EDA: variants seen among roughly 807,000 people sequenced by gnomAD.
EDA encodes ectodysplasin-A.
EDA carries 2 observed loss-of-function variants against 23.6 expected under a neutral mutation model. The ratio of observed to expected loss-of-function variants is 0.08; its 90% CI spans 0.03 to 0.27. The LOEUF is 0.27. EDA is among the 10% of genes least tolerant of loss of function. EDA has a pLI of 1.00. For synonymous variants in EDA, 131 were observed against 132.0 expected (o/e 0.99, Z 0.05); for missense variants, 229 against 324.2 (o/e 0.71, Z 2.26).
At chrX:69,933,397 A>G (rs2018627732) in intron 1 of EDA, among the ~76,000 whole-genome samples, 2 of 111,847 alleles carry the variant, frequency 1.8e-5, no homozygotes, top group Non-Finnish European at 3.8e-5. Flanking sequence ...TTAAAGATGG[A>G]TAGGCCTGGC....
intron 1 of EDA, among the ~76,000 whole-genome samples, chrX:69,751,257 C>G (rs1196882619): frequency 1.1e-4 from 12 of 110,206 alleles, no homozygotes; most frequent in Non-Finnish European, 3.8e-5. Flanking sequence ...GCCAGTTTTC[C>G]CAGCACCATT....
intron 1 of EDA, among the ~76,000 whole-genome samples, chrX:69,761,703 G>A (rs1395931472): frequency 8.9e-6 from 1 of 111,820 alleles, no homozygotes; most frequent in Non-Finnish European, 1.9e-5. Flanking sequence ...GAATAGGACT[G>A]TTTGCCCCTA....
At chrX:69,822,735 T>C (rs751687970) in intron 1 of EDA, among the ~76,000 whole-genome samples, 12 of 110,459 alleles carry the variant, frequency 1.1e-4, no homozygotes, top group Non-Finnish European at 2.1e-4. Context: ...TTAGGGTACA[T>C]GTGCACAATG....
chrX:69,646,555 T>C (rs1427493074), intron 1 of EDA, among the ~76,000 whole-genome samples: 1 of 112,148 alleles, frequency 8.9e-6, no homozygotes, highest in East Asian at 2.8e-4. Context: ...CATCCCTTTA[T>C]TTTGAGCCTA....
intron 1 of EDA, among the ~76,000 whole-genome samples, chrX:69,706,139 T>G (rs1241107642): frequency 8.9e-6 from 1 of 112,015 alleles, no homozygotes; most frequent in Non-Finnish European, 1.9e-5. Context: ...TCAAAATAAC[T>G]AAAAATAGGC....
chrX:69,862,876 CTT>C (rs1272934758), intron 1 of EDA, among the ~76,000 whole-genome samples: 2 of 110,689 alleles, frequency 1.8e-5, no homozygotes, highest in African/African-American at 6.6e-5. Flanking sequence ...AGATTTGTAA[CTT>C]TTAAGCACTG....
intron 1 of EDA, among the ~76,000 whole-genome samples, chrX:69,806,323 G>A (rs190457665): frequency 1.8e-5 from 2 of 110,941 alleles, no homozygotes; most frequent in South Asian, 7.5e-4. Flanking sequence ...CTATGTTAGG[G>A]CATGCCTGTG....
chrX:69,979,153 C>T, intron 2 of EDA, among the ~76,000 whole-genome samples: 1 of 111,935 alleles, frequency 8.9e-6, no homozygotes, highest in South Asian at 3.7e-4. Context: ...TGGAATCATA[C>T]AATATTTGTC....
At chrX:69,889,376 C>G (rs2017888637) in intron 1 of EDA, among the ~76,000 whole-genome samples, 1 of 110,761 alleles carries the variant, frequency 9.0e-6, no homozygotes, top group Non-Finnish European at 1.9e-5. Context: ...TCTTGAACTC[C>G]TTGGCTTAAG....
intron 1 of EDA, among the ~76,000 whole-genome samples, 188 bp from the exon 2 acceptor site, chrX:69,956,831 AATGTCATG>A (rs2019015067): frequency 8.9e-6 from 1 of 112,050 alleles, no homozygotes; most frequent in Non-Finnish European, 1.9e-5. Flanking sequence ...AATTAACCAA[AATGTCATG>A]CCTACATGAT....
In EDA at chrX:69,617,158, C is replaced by A. The variant is rs1418209751; in HGVS notation, c.396+454C>A. 3 of 198,607 alleles carry A rather than the reference C, an allele frequency of 1.5e-5. No individual in the cohort carries two copies. The East Asian group carries it at 3.3e-4, about 22-fold the overall frequency. 16.4% of individuals were successfully genotyped at this position (198,607 alleles called of 1,213,427 possible). A position where few individuals can be genotyped will look rare whatever the true frequency, so the allele number is the denominator to read the frequency against. On this transcript the variant is annotated intron_variant, in intron 1 of 7. Transcript: ENST00000374552. The stretch of plus-strand genomic sequence containing the variant: ...ACAGCTGTAATAACTGTTCCACGCC[C>A]GCCCGTTGAAACAACTTTTAACCGC...
At chrX:69,974,471 C>A (rs893073034) in intron 2 of EDA, among the ~76,000 whole-genome samples, 1 of 110,856 alleles carries the variant, frequency 9.0e-6, no homozygotes, top group Non-Finnish European at 1.9e-5. Flanking sequence ...TAAACAAAAA[C>A]CGAGGAAACA....
At chrX:69,806,015 C>T (rs1026966139) in intron 1 of EDA, among the ~76,000 whole-genome samples, 4 of 111,467 alleles carry the variant, frequency 3.6e-5, no homozygotes, top group Non-Finnish European at 7.6e-5. Flanking sequence ...TCTGAATTTT[C>T]ACAAAAACCC....
At chrX:69,788,342 C>T (rs192293330) in intron 1 of EDA, among the ~76,000 whole-genome samples, 1,480 of 112,441 alleles carry the variant, frequency 0.013, 16 homozygotes, top group African/African-American at 0.043. Flanking sequence ...TGAGGAACTA[C>T]GTTCCTTTGG....
intron 1 of EDA, among the ~76,000 whole-genome samples, chrX:69,762,621 A>G (rs1219029985): frequency 8.9e-6 from 1 of 111,992 alleles, no homozygotes; most frequent in Non-Finnish European, 1.9e-5. Context: ...AAATAGAAGC[A>G]GTGTTTTTTT....
chrX:69,836,324 C>G (rs2016773777), intron 1 of EDA, among the ~76,000 whole-genome samples: 1 of 103,358 alleles, frequency 9.7e-6, no homozygotes, highest in Non-Finnish European at 2.0e-5. Flanking sequence ...TTTTGTTTAG[C>G]TATGCCCTGC....
At chrX:69,972,747 C>A (rs939846021) in intron 2 of EDA, among the ~76,000 whole-genome samples, 1 of 111,458 alleles carries the variant, frequency 9.0e-6, no homozygotes, top group East Asian at 2.8e-4. Context: ...ATTTGAAAAA[C>A]CAATTTTTAA....
chrX:69,788,873 G>A lies in EDA; in HGVS notation c.397-168154G>A, dbSNP rs1453158947. 4.5e-4 allele frequency among the ~76,000 whole-genome samples: 51 copies of A among 113,027 alleles called. 1 individual carries two copies. Among genetic ancestry groups the A allele is most frequent in the Non-Finnish European group, 7.1e-4 (38 of 53,278 alleles). ...TACCTAAGCAAGCCTGGGCAATGGC[G>A]GGCGCCCCTCCCCCAGCCTCGCTGC... On this transcript the variant is annotated intron_variant, in intron 1 of 7. Coordinates refer to ENST00000374552, the MANE Select transcript of EDA (RefSeq NM_001399.5).
At chrX:69,985,675 A>G (rs1301814662) in intron 2 of EDA, among the ~76,000 whole-genome samples, 664 of 13,300 alleles carry the variant, frequency 0.05, no homozygotes, top group African/African-American at 0.19. Flanking sequence ...AAGAATCAAT[A>G]TCGTGAAAAT....
Sources: gnomAD v4.1 joint callset for allele counts (sites outside exome capture counted in the v4.1 genomes callset) on GRCh38, gnomAD v4.1.1 for gene constraint, MANE v1.5 for transcripts, NCBI Gene and HGNC (gene_info 2026-07-23, HGNC 2026-07-21) for gene names.